Variants in GFRA1 observed in about 807,000 individuals in gnomAD.
GFRA1 encodes the protein GDNF family receptor alpha 1, also known as GDNF family receptor alpha-1.
Under a neutral mutation model 51.6 loss-of-function variants are expected in GFRA1, and 16 were observed. The observed-to-expected ratio is 0.31, with a 90% CI of 0.21 to 0.47. The LOEUF (loss-of-function observed/expected upper bound fraction) is 0.47. GFRA1 is among the 20% of genes least tolerant of loss of function. The pLI is 1.00. For missense variants in GFRA1, 530 were observed against 594.3 expected, an observed-to-expected ratio of 0.89 and a Z score of 1.13; for synonymous variants, 270 against 241.3, an observed-to-expected ratio of 1.12 and a Z score of -1.10.
chr10:116,168,219 G>C (rs2134213503), intron 5 of GFRA1, among the ~76,000 whole-genome samples: 1 of 150,614 alleles, frequency 6.6e-6, no homozygotes, highest in South Asian at 2.1e-4. Flanking sequence ...GACCTGCTAA[G>C]TACAAGGCAC....
At chr10:116,075,173 C>T (rs368307959) in intron 9 of GFRA1, among the ~76,000 whole-genome samples, 93 of 152,182 alleles carry the variant, frequency 6.1e-4, no homozygotes, top group African/African-American at 2.1e-3. Flanking sequence ...CTTATCTTCC[C>T]ATCCTCTCTC....
At chr10:116,255,410 T>C (rs1257191059) in intron 4 of GFRA1, among the ~76,000 whole-genome samples, 2 of 151,912 alleles carry the variant, frequency 1.3e-5, no homozygotes, top group African/African-American at 2.4e-5. Context: ...GTGAACCTTA[T>C]ACTGCTAATA....
At position 116,098,577 on chromosome 10, in the gene GFRA1, G is replaced by A. The variant is rs1045502231; in HGVS notation, c.771-1813C>T. On this transcript the variant is annotated intron_variant, in intron 6 of 10. Coordinates refer to ENST00000355422, the MANE Select transcript of GFRA1 (RefSeq NM_005264.8). ...AGGCCAACTGCAAGTTCAGGCAGCT[G>A]GGGCTCCGGTTCTGCACACAACCTG... 2.6e-5 allele frequency among the ~76,000 whole-genome samples: 4 copies of A among 152,170 alleles called. No homozygotes were observed. The South Asian group carries it at 8.3e-4, about 32-fold the overall frequency.
In GFRA1 at chr10:116,263,005, CAG is replaced by C. The variant is rs139304130; in HGVS notation, c.418+6496_418+6497del. On this transcript the variant is annotated intron_variant, in intron 4 of 10. Coordinates refer to ENST00000355422, the MANE Select transcript of GFRA1 (RefSeq NM_005264.8). ...CACTTCCGACCACAGAGCATAAGGA[CAG>C]GGGTCCAAGGGAAAAGGAGAGACTC... 4.8e-3 allele frequency among the ~76,000 whole-genome samples: 727 copies of C among 152,248 alleles called. 7 individuals are homozygous for C. Among genetic ancestry groups the C allele is most frequent in the African/African-American group, 0.016 (677 of 41,538 alleles).
At chr10:116,245,010 A>C (rs896800559) in intron 4 of GFRA1, among the ~76,000 whole-genome samples, 4 of 152,182 alleles carry the variant, frequency 2.6e-5, no homozygotes, top group Non-Finnish European at 5.9e-5. Context: ...GACATTCTAG[A>C]CTCTATCAGC....
chr10:116,085,358 G>A (rs903809110), intron 9 of GFRA1, among the ~76,000 whole-genome samples: 7 of 152,186 alleles, frequency 4.6e-5, no homozygotes, highest in African/African-American at 1.4e-4. Context: ...AATATTACAA[G>A]AGGGCGCTTC....
At chr10:116,178,005 C>A (rs1961800713) in intron 5 of GFRA1, among the ~76,000 whole-genome samples, 1 of 151,974 alleles carries the variant, frequency 6.6e-6, no homozygotes, top group African/African-American at 2.4e-5. Context: ...GTTACTCCTT[C>A]AGTTGCATTT....
At chr10:116,268,494 T>A (rs1969846703) in intron 4 of GFRA1, among the ~76,000 whole-genome samples, 1 of 152,320 alleles carries the variant, frequency 6.6e-6, no homozygotes, top group African/African-American at 2.4e-5. Flanking sequence ...GCTCAATGGA[T>A]GTTTGGTGAA....
intron 5 of GFRA1, among the ~76,000 whole-genome samples, chr10:116,128,461 C>T (rs754413021): frequency 2.0e-5 from 3 of 152,104 alleles, no homozygotes; most frequent in Non-Finnish European, 4.4e-5. Context: ...TGCGGCGGCT[C>T]ATGCCTGTAA....
rs374020279 is a variant in GFRA1 at position 116,064,404 on chromosome 10, T to C, written c.1392A>G (p.Thr464=). The part of the protein sequence containing the change: ...ALSTLLSLTE[T]S ...TTGTATTTTTTTAATGCAGCTATGA[T>C]GTTTCTGTTAAAGATAATAGGGTGG... The change falls in exon 11 of 11, where the codon ACA becomes ACG. Residue 464 remains threonine, a synonymous_variant. Transcript: ENST00000355422. 112 of 1,612,288 alleles carry C rather than the reference T, an allele frequency of 6.9e-5. 1 individual carries two copies. The Middle Eastern group carries it at 1.4e-3, about 20-fold the overall frequency.
intron 5 of GFRA1, among the ~76,000 whole-genome samples, chr10:116,205,585 GAA>G (rs57517925): frequency 0.43 from 52,924 of 121,790 alleles, 10,649 homozygotes; most frequent in African/African-American, 0.58. Flanking sequence ...AAAAAGAAAG[GAA>G]AAAAAAAAGA....
intron 8 of GFRA1, among the ~76,000 whole-genome samples, 197 bp from the exon 9 acceptor site, chr10:116,090,119 A>G (rs1371665509): frequency 6.6e-6 from 1 of 152,154 alleles, no homozygotes; most frequent in Non-Finnish European, 1.5e-5. Context: ...CAATTCAGTC[A>G]TTACACCCTG....
At chr10:116,149,988 T>C (rs1351688959) in intron 5 of GFRA1, among the ~76,000 whole-genome samples, 2 of 152,228 alleles carry the variant, frequency 1.3e-5, no homozygotes, top group African/African-American at 4.8e-5. Context: ...TAATTATTAA[T>C]ATTTGCTGAT....
intron 8 of GFRA1, among the ~76,000 whole-genome samples, chr10:116,091,891 T>C (rs956887672): frequency 1.3e-5 from 2 of 152,272 alleles, no homozygotes; most frequent in South Asian, 4.2e-4. Flanking sequence ...GAAAAGTCAT[T>C]AACAATGAGA....
intron 6 of GFRA1, among the ~76,000 whole-genome samples, chr10:116,105,783 G>C (rs904196245): frequency 5.3e-5 from 8 of 152,150 alleles, no homozygotes; most frequent in Admixed American, 5.2e-4. Context: ...ACTAGCTCAT[G>C]ATACCCCCAA....
chr10:116,207,759 C>A (rs1198208537), intron 5 of GFRA1, among the ~76,000 whole-genome samples: 1 of 152,092 alleles, frequency 6.6e-6, no homozygotes, highest in Non-Finnish European at 1.5e-5. Context: ...GCCTTAAGGA[C>A]AGCAGATGTA....
At chr10:116,085,664 A>T (rs1423871503) in intron 9 of GFRA1, among the ~76,000 whole-genome samples, 1 of 152,052 alleles carries the variant, frequency 6.6e-6, no homozygotes, top group Non-Finnish European at 1.5e-5. Flanking sequence ...CTTGGGATGA[A>T]GGCCCTTCAC....
Position 116,093,959 on chromosome 10 carries a change from G to C in GFRA1, c.881-123C>G, listed in dbSNP as rs868646286. 62 of 909,826 alleles carry C rather than the reference G, an allele frequency of 6.8e-5. 1 individual carries two copies. Among genetic ancestry groups the C allele is most frequent in the South Asian group, 6.1e-4 (44 of 72,294 alleles). The allele number at this position is 909,826 out of a possible 1,614,324, so 56.4% of individuals were successfully genotyped here. A position where few individuals can be genotyped will look rare whatever the true frequency, so the allele number is the denominator to read the frequency against. On this transcript the variant is annotated intron_variant, in intron 7 of 10. Coordinates refer to ENST00000355422, the MANE Select transcript of GFRA1 (RefSeq NM_005264.8). ...GATAATTACAGACATTGTATTTGCT[G>C]AGTGGGAAATTATGTTAAGCAGTGC...
At chr10:116,094,214 TTAAACA>T (rs1956479558) in intron 7 of GFRA1, among the ~76,000 whole-genome samples, 1 of 152,178 alleles carries the variant, frequency 6.6e-6, no homozygotes, top group Non-Finnish European at 1.5e-5. Flanking sequence ...TTTACATATC[TTAAACA>T]ATTTTGTTTA....
Sources: gnomAD v4.1 joint callset for allele counts (sites outside exome capture counted in the v4.1 genomes callset) on GRCh38, gnomAD v4.1.1 for gene constraint, MANE v1.5 for transcripts, NCBI Gene and HGNC (gene_info 2026-07-23, HGNC 2026-07-21) for gene names.